Variants in NOL10 observed in about 807,000 individuals in gnomAD.
NOL10 encodes nucleolar protein 10.
In NOL10, 58 loss-of-function variants were observed where a neutral mutation model predicts 103.5. That is an observed-to-expected ratio of 0.56 (90% CI 0.45 to 0.70). The LOEUF is 0.70. Among genes scored for constraint, NOL10 ranks in the 30% least tolerant of loss-of-function variants. The probability of loss-of-function intolerance (pLI) is 0.00; values close to 1 mark genes in which losing one functional copy is unlikely to be tolerated. For missense variants in NOL10, 763 were observed against 807.3 expected, an observed-to-expected ratio of 0.95 and a Z score of 0.67; for synonymous variants, 287 against 282.5, an observed-to-expected ratio of 1.02 and a Z score of -0.16.
rs1015328379 is a variant in NOL10, at chr2:10,671,794, TCA to T, written c.328-106_328-105del. The T allele has an allele frequency of 5.3e-5, 40 of 752,784 alleles. No individual in the cohort carries two copies. In the African/African-American group the frequency reaches 6.4e-4, roughly 12 times the overall value. The allele number at this position is 752,784 out of a possible 1,614,324, so 46.6% of individuals were successfully genotyped here. A position where few individuals can be genotyped will look rare whatever the true frequency, so the allele number is the denominator to read the frequency against. ...ACCAAGGAAAACCCTTACCTCTCTC[TCA>T]CTTTCTGTATCTAAACACACATGTC... On this transcript the variant is annotated intron_variant, in intron 5 of 20. Coordinates refer to ENST00000381685, the MANE Select transcript of NOL10 (RefSeq NM_024894.4).
intron 12 of NOL10, among the ~76,000 whole-genome samples, chr2:10,651,900 A>T (rs1376236114): frequency 1.3e-5 from 2 of 152,208 alleles, no homozygotes; most frequent in African/African-American, 2.4e-5. Flanking sequence ...TGCAAATTAT[A>T]AAGTCCAGGG....
At chr2:10,601,068 A>C (rs947802721) in intron 16 of NOL10, 126 bp from the exon 17 acceptor site, 5 of 590,698 alleles carry the variant, frequency 8.5e-6, no homozygotes, top group Non-Finnish European at 1.4e-5. Flanking sequence ...TTCTTATTTT[A>C]TTATTTTTTT....
intron 6 of NOL10, among the ~76,000 whole-genome samples, chr2:10,671,273 A>T (rs1443726445): frequency 6.6e-6 from 1 of 152,244 alleles, no homozygotes; most frequent in Admixed American, 6.5e-5. Flanking sequence ...AATGAGGCAC[A>T]TAACTATCAC....
In NOL10 at chr2:10,589,249, T is replaced by C; in HGVS notation, c.1638A>G (p.Glu546=). ...EEPEGKPSDA[E]SSESSDDEKA... ...TTTCATCATCTGAACTCTCCGAACT[T>C]TCTGCATCACTTGGTTTTCCTTCCG... The change falls in exon 19 of 21, where the codon GAA becomes GAG. Residue 546 remains glutamate, a synonymous_variant. Coordinates refer to ENST00000381685, the MANE Select transcript of NOL10 (RefSeq NM_024894.4). 1 of 1,613,960 alleles carries C rather than the reference T, an allele frequency of 6.2e-7. No individual in the cohort carries two copies. The highest frequency in any genetic ancestry group is 8.5e-7 in the Non-Finnish European group (1 of 1,179,884).
chr2:10,604,002 G>A (rs1009136092), intron 14 of NOL10, among the ~76,000 whole-genome samples: 1 of 152,206 alleles, frequency 6.6e-6, no homozygotes, highest in African/African-American at 2.4e-5. Context: ...ACGGATGCAG[G>A]GAGGGACAGT....
chr2:10,663,996 C>G (rs1399812962), intron 8 of NOL10, among the ~76,000 whole-genome samples: 1 of 151,570 alleles, frequency 6.6e-6, no homozygotes, highest in Non-Finnish European at 1.5e-5. Context: ...GTGGCGCATG[C>G]CCGTAATCCC....
chr2:10,623,585 T>C lies in NOL10; in HGVS notation c.1027-16274A>G, dbSNP rs114793416. Among the ~76,000 whole-genome samples, 617 of 152,326 alleles carry C rather than the reference T, an allele frequency of 4.1e-3. 3 individuals are homozygous for C. The highest frequency in any genetic ancestry group is 0.014 in the African/African-American group (590 of 41,568). On this transcript the variant is annotated intron_variant, in intron 13 of 20. Coordinates refer to ENST00000381685, the MANE Select transcript of NOL10 (RefSeq NM_024894.4). ...ATCAGCTCCTAGGCAGCAAGGCCCATCTCTTCAAACACCTTTGATATCCTA... is the reference window on the plus strand; with the variant it reads ...ATCAGCTCCTAGGCAGCAAGGCCCACCTCTTCAAACACCTTTGATATCCTA...
At chr2:10,642,582 T>C (rs1678772385) in intron 13 of NOL10, among the ~76,000 whole-genome samples, 1 of 152,096 alleles carries the variant, frequency 6.6e-6, no homozygotes, top group Non-Finnish European at 1.5e-5. Context: ...CAGGCTCGAA[T>C]GCTCAGCCAT....
intron 2 of NOL10, among the ~76,000 whole-genome samples, chr2:10,682,462 C>CA (rs1681843122): frequency 6.7e-6 from 1 of 149,774 alleles, no homozygotes; most frequent in African/African-American, 2.5e-5. Context: ...TGCAGTGGCA[C>CA]AATCATGGCT....
At chr2:10,609,222 T>C (rs1676416548) in intron 13 of NOL10, among the ~76,000 whole-genome samples, 1 of 142,710 alleles carries the variant, frequency 7.0e-6, no homozygotes, top group Non-Finnish European at 1.5e-5. Flanking sequence ...GAACTCAGAC[T>C]GCACTGAGTC....
intron 19 of NOL10, 149 bp downstream of exon 19, chr2:10,588,894 G>T: frequency 8.4e-7 from 1 of 1,189,602 alleles, no homozygotes; most frequent in Non-Finnish European, 1.2e-6. Flanking sequence ...CCTCCTGCAC[G>T]GCCTTACCTC....
intron 13 of NOL10, among the ~76,000 whole-genome samples, chr2:10,640,262 TGGCA>T (rs1350819678): frequency 2.0e-5 from 3 of 152,172 alleles, no homozygotes; most frequent in Non-Finnish European, 4.4e-5. Flanking sequence ...TTATGAAAAA[TGGCA>T]GGCTTTCAGA....
intron 11 of NOL10, among the ~76,000 whole-genome samples, chr2:10,655,590 G>A (rs1314403950): frequency 1.3e-5 from 2 of 152,172 alleles, no homozygotes; most frequent in Non-Finnish European, 2.9e-5. Context: ...TGTGGAAAAA[G>A]GTGATGAGAA....
chr2:10,605,383 T>C (rs1308206203), intron 14 of NOL10, among the ~76,000 whole-genome samples: 1 of 152,236 alleles, frequency 6.6e-6, no homozygotes, highest in Non-Finnish European at 1.5e-5. Flanking sequence ...GGAAGTTCAT[T>C]ACTTACTTCT....
At chr2:10,638,360 A>AACGTG (rs1183832331) in intron 13 of NOL10, among the ~76,000 whole-genome samples, 2 of 149,352 alleles carry the variant, frequency 1.3e-5, no homozygotes, top group Non-Finnish European at 3.0e-5. Flanking sequence ...AACGTAACGT[A>AACGTG]ACAGTACCTA....
At chr2:10,609,097 C>A (rs1676406488) in intron 13 of NOL10, among the ~76,000 whole-genome samples, 1 of 151,958 alleles carries the variant, frequency 6.6e-6, no homozygotes, top group South Asian at 2.1e-4. Context: ...AAGCACTGTG[C>A]TAAATTAAAG....
intron 20 of NOL10, among the ~76,000 whole-genome samples, chr2:10,573,382 T>C (rs765596207): frequency 1.3e-5 from 2 of 151,946 alleles, no homozygotes; most frequent in South Asian, 2.1e-4. Context: ...TTAGTAGAGA[T>C]GGGGTTTCAC....
intron 12 of NOL10, among the ~76,000 whole-genome samples, chr2:10,653,967 T>C (rs1679654843): frequency 6.6e-6 from 1 of 152,218 alleles, no homozygotes; most frequent in Non-Finnish European, 1.5e-5. Context: ...TCTCCCATAC[T>C]CTGAAATTCT....
At chr2:10,681,567 A>AG (rs1681758765) in intron 3 of NOL10, among the ~76,000 whole-genome samples, 1 of 152,230 alleles carries the variant, frequency 6.6e-6, no homozygotes, top group Non-Finnish European at 1.5e-5. Flanking sequence ...TGGTAAACTT[A>AG]GGATCTGTGC....
Sources: gnomAD v4.1 joint callset for allele counts (sites outside exome capture counted in the v4.1 genomes callset) on GRCh38, gnomAD v4.1.1 for gene constraint, MANE v1.5 for transcripts, NCBI Gene and HGNC (gene_info 2026-07-23, HGNC 2026-07-21) for gene names.